RSF1: variants seen among roughly 807,000 people sequenced by gnomAD.
RSF1 encodes the protein HBV pX-associated protein 8.
Under a neutral mutation model 145.2 loss-of-function variants are expected in RSF1, and 13 were observed. The ratio of observed to expected loss-of-function variants is 0.09; its 90% confidence interval spans 0.06 to 0.14. The LOEUF (loss-of-function observed/expected upper bound fraction) is 0.14. Ranked by LOEUF, RSF1 falls within the 10% of genes least tolerant of loss-of-function variation. The pLI, the probability that RSF1 is intolerant of heterozygous loss-of-function variation, is 1.00. For missense variants in RSF1, 1,517 were observed against 1,718.2 expected (o/e 0.88, Z 2.07); for synonymous variants, 577 against 592.6 (o/e 0.97, Z 0.38).
At chr11:77,837,872 T>C in the RSF1 span, among the ~76,000 whole-genome samples, 1 of 152,042 alleles carries the variant, frequency 6.6e-6, no homozygotes, top group East Asian at 1.9e-4. Flanking sequence ...ATGGGCAACA[T>C]AGTGAGACCC....
intron 1 of RSF1, among the ~76,000 whole-genome samples, chr11:77,804,549 T>C (rs758164913): frequency 6.6e-6 from 1 of 152,166 alleles, no homozygotes; most frequent in Admixed American, 6.5e-5. Flanking sequence ...TGTCTAATAG[T>C]TGGAGAGCCA....
chr11:77,810,135 G>C (rs1454050987), intron 1 of RSF1, among the ~76,000 whole-genome samples: 1 of 152,144 alleles, frequency 6.6e-6, no homozygotes, highest in East Asian at 1.9e-4. Flanking sequence ...AATCTTTTAA[G>C]TTCTACCTTT....
chr11:77,794,223 T>C (rs1219050098), intron 1 of RSF1, among the ~76,000 whole-genome samples: 1 of 152,182 alleles, frequency 6.6e-6, no homozygotes, highest in Non-Finnish European at 1.5e-5. Flanking sequence ...TCTAACTAAC[T>C]GCACAATACC....
intron 6 of RSF1, among the ~76,000 whole-genome samples, chr11:77,699,108 C>T (rs1468790197): frequency 6.6e-6 from 1 of 152,042 alleles, no homozygotes; most frequent in Non-Finnish European, 1.5e-5. Flanking sequence ...AGGATAAATT[C>T]CTTGAAGAGG....
rs73493881 is a variant in RSF1, at chr11:77,804,286, G to A, written c.187+16242C>T. Among the ~76,000 whole-genome samples, 762 of 152,106 alleles carry A rather than the reference G, an allele frequency of 5.0e-3. 8 individuals carry two copies. The highest frequency in any genetic ancestry group is 0.018 in the African/African-American group (729 of 41,490). ...ATAACTGTAAATAAAGCACTTTCTT[G>A]AGTTCTGTGAGTCATTCCGGTGAAT... On this transcript the variant is annotated intron_variant, in intron 1 of 15. Transcript: ENST00000308488.
At chr11:77,761,047 C>A (rs1291740583) in intron 2 of RSF1, among the ~76,000 whole-genome samples, 1 of 152,096 alleles carries the variant, frequency 6.6e-6, no homozygotes, top group Non-Finnish European at 1.5e-5. Context: ...CAGATTCAAG[C>A]GGTTCTCCTG....
At chr11:77,817,978 T>C (rs997936246) in intron 1 of RSF1, among the ~76,000 whole-genome samples, 1 of 152,202 alleles carries the variant, frequency 6.6e-6, no homozygotes, top group Admixed American at 6.5e-5. Flanking sequence ...CCCTGCACAG[T>C]AACAGCATTT....
intron 4 of RSF1, among the ~76,000 whole-genome samples, chr11:77,738,493 G>C (rs1169029884): frequency 6.6e-6 from 1 of 152,060 alleles, no homozygotes; most frequent in Admixed American, 6.6e-5. Context: ...TATGTAAAGG[G>C]CTTAAGCATT....
At chr11:77,821,484 G>A (rs2082092428), upstream of RSF1, among the ~76,000 whole-genome samples, 1 of 152,102 alleles carries the variant, frequency 6.6e-6, no homozygotes, top group Admixed American at 6.5e-5. Flanking sequence ...AGCTTTGCTG[G>A]AAAAGCAGGA....
the RSF1 span, among the ~76,000 whole-genome samples, chr11:77,846,532 C>A: frequency 6.6e-6 from 1 of 152,144 alleles, no homozygotes; most frequent in Non-Finnish European, 1.5e-5. Flanking sequence ...CGTGGAGAAA[C>A]CCCGTCTCTA....
At chr11:77,749,476 TC>T (rs1948037802) in intron 2 of RSF1, among the ~76,000 whole-genome samples, 2 of 152,158 alleles carry the variant, frequency 1.3e-5, no homozygotes, top group Non-Finnish European at 2.9e-5. Context: ...GGGAAGCTCA[TC>T]CTTAGTATCT....
At chr11:77,721,396 T>TAC (rs1960937548) in intron 5 of RSF1, among the ~76,000 whole-genome samples, 1 of 152,140 alleles carries the variant, frequency 6.6e-6, no homozygotes, top group Non-Finnish European at 1.5e-5. Flanking sequence ...CTACAAGAAC[T>TAC]ACATCTGAGA....
intron 1 of RSF1, among the ~76,000 whole-genome samples, chr11:77,815,655 T>C (rs1165488377): frequency 6.6e-6 from 1 of 152,182 alleles, no homozygotes; most frequent in Admixed American, 6.6e-5. Context: ...AAAAACTAAG[T>C]CTTTGAATGA....
At chr11:77,854,078 C>T in the RSF1 span, among the ~76,000 whole-genome samples, 1 of 150,786 alleles carries the variant, frequency 6.6e-6, no homozygotes, top group South Asian at 2.1e-4. Context: ...GCAACCTCCA[C>T]CTCCCAGGTT....
At chr11:77,737,038 T>A (rs1171404968) in intron 4 of RSF1, among the ~76,000 whole-genome samples, 2 of 152,242 alleles carry the variant, frequency 1.3e-5, no homozygotes, top group East Asian at 3.8e-4. Context: ...TTCTGCGTTA[T>A]TTGGGCAATG....
chr11:77,832,987 GTGTGTGTGTGTATA>G, the RSF1 span, among the ~76,000 whole-genome samples: 32 of 25,432 alleles, frequency 1.3e-3, no homozygotes, highest in African/African-American at 8.4e-3. Context: ...GTGTGTGTGT[GTGTGTGTGTGTATA>G]TATATATATT....
At chr11:77,685,868 T>C (rs1959990808) in intron 9 of RSF1, among the ~76,000 whole-genome samples, 1 of 152,186 alleles carries the variant, frequency 6.6e-6, no homozygotes, top group African/African-American at 2.4e-5. Flanking sequence ...TAAACAATTA[T>C]AAACTCATGG....
the RSF1 span, among the ~76,000 whole-genome samples, chr11:77,827,368 A>G: frequency 6.6e-5 from 10 of 152,354 alleles, no homozygotes; most frequent in South Asian, 2.1e-3. Context: ...ATGTGAATCT[A>G]GCAAACACAG....
chr11:77,812,708 C>T (rs1238636165), intron 1 of RSF1, among the ~76,000 whole-genome samples: 6 of 151,828 alleles, frequency 4.0e-5, no homozygotes, highest in Non-Finnish European at 8.8e-5. Flanking sequence ...GCCAACATGG[C>T]GAAACCCCAT....
Sources: allele counts gnomAD v4.1 joint callset (sites outside exome capture counted in the v4.1 genomes callset), GRCh38; gene constraint gnomAD v4.1.1; transcripts MANE v1.5; gene names NCBI Gene and HGNC (gene_info 2026-07-23, HGNC 2026-07-21).